SMAD6: variants seen among roughly 807,000 people sequenced by gnomAD.
SMAD6 encodes the protein MAD homolog 6.
SMAD6 carries 103 observed loss-of-function variants against 39.4 expected under a neutral mutation model. The observed-to-expected ratio is 2.62, with a 90% CI of 2.23 to 3.08. The LOEUF (loss-of-function observed/expected upper bound fraction) is 3.08. SMAD6 is among the 30% of genes most tolerant of loss of function. The pLI is 0.00. For synonymous variants in SMAD6, 445 were observed against 353.3 expected (o/e 1.26, Z -2.91); for missense variants, 1,104 against 742.9 (o/e 1.49, Z -5.65).
intron 3 of SMAD6, among the ~76,000 whole-genome samples, chr15:66,718,129 T>C (rs994856747): frequency 2.9e-4 from 44 of 151,162 alleles, no homozygotes; most frequent in African/African-American, 1.0e-3. Context: ...TGTGTGTGTG[T>C]GTGTGTGTGT....
intron 3 of SMAD6, among the ~76,000 whole-genome samples, chr15:66,776,192 G>A (rs1894465236): frequency 6.6e-6 from 1 of 152,192 alleles, no homozygotes; most frequent in South Asian, 2.1e-4. Context: ...AAAGTGCTTT[G>A]CGGTTTGCAA....
intron 3 of SMAD6, among the ~76,000 whole-genome samples, chr15:66,731,974 C>G (rs939565620): frequency 1.4e-5 from 2 of 143,284 alleles, no homozygotes; most frequent in Non-Finnish European, 3.0e-5. Flanking sequence ...GACAGAGTCT[C>G]GTGCCATCAC....
chr15:66,704,683 C>T (rs1385935545), intron 1 of SMAD6: 1 of 152,320 alleles, frequency 6.6e-6, no homozygotes, highest in African/African-American at 2.4e-5. Context: ...TCATTCCCCA[C>T]ATCCCTTGGG....
intron 3 of SMAD6, among the ~76,000 whole-genome samples, chr15:66,779,525 A>G (rs1894522628): frequency 1.3e-5 from 2 of 152,142 alleles, no homozygotes; most frequent in Admixed American, 6.5e-5. Context: ...TGAGGCAGAC[A>G]GCCTCCTGCT....
At chr15:66,704,137 TTC>T (rs1893056373) in intron 1 of SMAD6, 62 bp downstream of exon 1, 1 of 1,262,242 alleles carries the variant, frequency 7.9e-7, no homozygotes, top group Non-Finnish European at 1.0e-6. Flanking sequence ...TTCCGTGCCC[TTC>T]TCTCTGTGAC....
chr15:66,703,232 C>G lies in SMAD6; in HGVS notation c.-27C>G, dbSNP rs1024566506. The G allele has an allele frequency of 5.9e-6, 8 of 1,364,726 alleles. No homozygotes were observed. The highest frequency in any genetic ancestry group is 6.7e-6 in the Non-Finnish European group (7 of 1,051,192). 84.5% of individuals were successfully genotyped at this position (1,364,726 alleles called of 1,614,324 possible). On this transcript the variant is annotated 5_prime_UTR_variant, in exon 1 of 4. Coordinates refer to ENST00000288840, the MANE Select transcript of SMAD6 (RefSeq NM_005585.5). Reference sequence around the variant, plus strand: ...CCCGGTAACCGGAGACCGCCTCCCCCCCACCCCTGGCGCCAAAGGATATCG... The same window carrying G: ...CCCGGTAACCGGAGACCGCCTCCCCGCCACCCCTGGCGCCAAAGGATATCG...
chr15:66,756,495 C>G (rs1195271898), intron 3 of SMAD6, among the ~76,000 whole-genome samples: 1 of 152,166 alleles, frequency 6.6e-6, no homozygotes, highest in Non-Finnish European at 1.5e-5. Context: ...GTTTCTTTTC[C>G]TATTTTTAAC....
chr15:66,734,360 G>A (rs142890009), intron 3 of SMAD6, among the ~76,000 whole-genome samples: 48 of 152,286 alleles, frequency 3.2e-4, no homozygotes, highest in African/African-American at 1.0e-3. Flanking sequence ...CATTCCATTC[G>A]CCCTGCCTCT....
chr15:66,737,709 G>GAA (rs374995902), intron 3 of SMAD6, among the ~76,000 whole-genome samples: 1 of 141,884 alleles, frequency 7.0e-6, no homozygotes, highest in African/African-American at 2.6e-5. Context: ...AGAGAAAAAG[G>GAA]AAAAAAAAAA....
chr15:66,713,435 T>TC (rs1476723775), intron 2 of SMAD6, among the ~76,000 whole-genome samples: 1 of 152,218 alleles, frequency 6.6e-6, no homozygotes, highest in Non-Finnish European at 1.5e-5. Flanking sequence ...TTCTTCTGCC[T>TC]CAGCCTCCCA....
intron 1 of SMAD6, chr15:66,705,200 CTG>C (rs1306936678): frequency 6.6e-6 from 1 of 152,168 alleles, no homozygotes; most frequent in Non-Finnish European, 1.5e-5. Context: ...TCTCCTGACT[CTG>C]TGTGGAAGGG....
At chr15:66,755,636 A>G (rs1388225615) in intron 3 of SMAD6, among the ~76,000 whole-genome samples, 1 of 152,134 alleles carries the variant, frequency 6.6e-6, no homozygotes, top group African/African-American at 2.4e-5. Context: ...GGTTCATGAA[A>G]TCGCCACTGC....
intron 3 of SMAD6, among the ~76,000 whole-genome samples, chr15:66,736,177 C>T (rs1893709272): frequency 6.6e-6 from 1 of 152,064 alleles, no homozygotes; most frequent in Non-Finnish European, 1.5e-5. Flanking sequence ...GTTAAAGGAC[C>T]AGCTCTAGGT....
chr15:66,717,084 T>C (rs775218936), intron 3 of SMAD6: 10 of 1,289,020 alleles, frequency 7.8e-6, no homozygotes, highest in South Asian at 2.5e-5. Context: ...AAGCTGGTCA[T>C]AGGGACCCCT....
chr15:66,704,229 G>A (rs993621655), intron 1 of SMAD6, 154 bp downstream of exon 1: 1 of 479,772 alleles, frequency 2.1e-6, no homozygotes, highest in Non-Finnish European at 3.4e-6. Flanking sequence ...GCCTCAGACC[G>A]GCCGAGGGGA....
At chr15:66,708,644 G>T (rs1595761014) in intron 1 of SMAD6, 1 of 445,856 alleles carries the variant, frequency 2.2e-6, no homozygotes, top group East Asian at 7.2e-5. Context: ...GAACTTCGAT[G>T]ACTTTGTGCC....
chr15:66,752,567 C>G (rs1433433787), intron 3 of SMAD6, among the ~76,000 whole-genome samples: 2 of 152,052 alleles, frequency 1.3e-5, no homozygotes, highest in African/African-American at 4.8e-5. Context: ...AGGAGGATTA[C>G]TGAGGCTGGG....
At chr15:66,742,020 T>G (rs1893823985) in intron 3 of SMAD6, among the ~76,000 whole-genome samples, 1 of 152,196 alleles carries the variant, frequency 6.6e-6, no homozygotes, top group Non-Finnish European at 1.5e-5. Context: ...TTGCCCTGTT[T>G]CCCTGCAACT....
chr15:66,781,154 G>C lies in SMAD6; in HGVS notation c.1110G>C (p.Gln370His). The C allele has an allele frequency of 1.2e-6, 2 of 1,608,138 alleles. No homozygotes were observed. Among genetic ancestry groups the C allele is most frequent in the African/African-American group, 1.3e-5 (1 of 75,052 alleles). Reference protein sequence around the residue: ...LPQGSGFCLGQLNLEQRSESV... With the variant: ...LPQGSGFCLGHLNLEQRSESV... ...AGGGCAGCGGCTTCTGCCTGGGCCA[G>C]CTCAACCTGGAGCAGCGCAGCGAGT... Residue 370 changes from glutamine (Q) to histidine (H), a missense_variant, in exon 4 of 4, where the codon CAG (glutamine) becomes CAC (histidine). Gln to His is a conservative substitution (Grantham distance 24, BLOSUM62 0). Coordinates refer to ENST00000288840, the MANE Select transcript of SMAD6 (RefSeq NM_005585.5).
Sources: allele counts gnomAD v4.1 joint callset (sites outside exome capture counted in the v4.1 genomes callset), GRCh38; gene constraint gnomAD v4.1.1; transcripts MANE v1.5; gene names NCBI Gene and HGNC (gene_info 2026-07-23, HGNC 2026-07-21).